The following BCL2L11 variants were observed in gnomAD, a reference collection of about 807,000 sequenced individuals.
BCL2L11 encodes BCL2 like 11.
In BCL2L11, 15 loss-of-function variants were observed where a neutral mutation model predicts 20.6. That is an observed-to-expected ratio of 0.73 (90% CI 0.49 to 1.12). BCL2L11 has a LOEUF of 1.12. Among genes scored for constraint, BCL2L11 ranks in the 50% most tolerant of loss-of-function variants. BCL2L11 has a pLI of 0.00. For missense variants in BCL2L11, 292 were observed against 260.9 expected (o/e 1.12, Z -0.82); for synonymous variants, 108 against 92.8 (o/e 1.16, Z -0.94).
rs1293089150 is a variant in BCL2L11 at position 111,164,391 on chromosome 2, C to A, written c.*160C>A. On this transcript the variant is annotated 3_prime_UTR_variant, in exon 4 of 4. Coordinates refer to ENST00000393256, the MANE Select transcript of BCL2L11 (RefSeq NM_138621.5). The stretch of plus-strand genomic sequence containing the variant: ...GAAGACACCGAGCTGGATGGGACTA[C>A]CTTTCTGTTCATCACCACACAGCAG... 11 of 587,896 alleles carry A rather than the reference C, an allele frequency of 1.9e-5. No individual in the cohort carries two copies. Among genetic ancestry groups the A allele is most frequent in the Non-Finnish European group, 9.3e-6 (3 of 323,008 alleles). 36.4% of individuals were successfully genotyped at this position (587,896 alleles called of 1,614,324 possible). A position where few individuals can be genotyped will look rare whatever the true frequency, so the allele number is the denominator to read the frequency against.
rs6734224 is a variant in BCL2L11, at chr2:111,125,885, G to C, written c.394+1746G>C. ...AAGTTCTTGGCTTGTAGTTTTTGTT[G>C]TACTCATGAAAATGCTCCCCCATAT... On this transcript the variant is annotated intron_variant, in intron 2 of 3. Coordinates refer to ENST00000393256, the MANE Select transcript of BCL2L11 (RefSeq NM_138621.5). Among the ~76,000 whole-genome samples the C allele has an allele frequency of 8.9e-3, 1,356 of 152,178 alleles. 16 individuals are homozygous for C. The highest frequency in any genetic ancestry group is 0.03 in the African/African-American group (1,239 of 41,528).
chr2:111,136,189 A>C (rs1167193226), intron 2 of BCL2L11, among the ~76,000 whole-genome samples: 1 of 152,172 alleles, frequency 6.6e-6, no homozygotes, highest in Non-Finnish European at 1.5e-5. Flanking sequence ...GATGGAGAAC[A>C]GGCCTCCCAT....
chr2:111,121,102 C>T lies in BCL2L11; in HGVS notation c.-100C>T. On this transcript the variant is annotated 5_prime_UTR_variant, in exon 1 of 4. Transcript: ENST00000393256. ...CATCATCGCGGTATTCGGTTCGCTGCGTTCCCGCCGCCACCGCCTCGGCGC... is the reference window on the plus strand; with the variant it reads ...CATCATCGCGGTATTCGGTTCGCTGTGTTCCCGCCGCCACCGCCTCGGCGC... 3.3e-6 allele frequency: 1 copy of T among 301,400 alleles called. No homozygotes were observed. Among genetic ancestry groups the T allele is most frequent in the Non-Finnish European group, 6.1e-6 (1 of 163,676 alleles). The allele number at this position is 301,400 out of a possible 1,614,324, so 18.7% of individuals were successfully genotyped here. A position where few individuals can be genotyped will look rare whatever the true frequency, so the allele number is the denominator to read the frequency against.
intron 2 of BCL2L11, among the ~76,000 whole-genome samples, chr2:111,132,407 A>G (rs1258828841): frequency 6.6e-6 from 1 of 152,256 alleles, no homozygotes; most frequent in Non-Finnish European, 1.5e-5. Flanking sequence ...GGCAAATAAT[A>G]AAAACTCAAA....
intron 2 of BCL2L11, 106 bp downstream of exon 2, chr2:111,124,245 A>T (rs1220827827): frequency 1.5e-6 from 2 of 1,298,164 alleles, no homozygotes; most frequent in Non-Finnish European, 1.0e-6. Flanking sequence ...TAACTGATTT[A>T]TTCCATCTTT....
At chr2:111,147,346 TCACACACACACACACACACACACACA>T (rs70962921) in intron 2 of BCL2L11, among the ~76,000 whole-genome samples, 2 of 137,414 alleles carry the variant, frequency 1.5e-5, no homozygotes, top group South Asian at 4.8e-4. Context: ...TCTCTCTCTC[TCACACACACACACACACACACACACA>T]CACACACACA....
chr2:111,142,322 C>T lies in BCL2L11; in HGVS notation c.395-7722C>T, dbSNP rs1158228226. 3.2e-6 allele frequency: 5 copies of T among 1,550,490 alleles called. No homozygotes were observed. In the Admixed American group the frequency reaches 9.8e-5, roughly 30 times the overall value. On this transcript the variant is annotated intron_variant, in intron 2 of 3. Coordinates refer to ENST00000393256, the MANE Select transcript of BCL2L11 (RefSeq NM_138621.5). ...TTTTTATGGCTTGCAGATGACTCCG[C>T]TGGATCCTCCCTCAGAATTGCCCTT... is the stretch of plus-strand genomic sequence containing the variant.
rs548910377 is a variant in BCL2L11 at position 111,142,296 on chromosome 2, A to AT, written c.395-7743dup. On this transcript the variant is annotated intron_variant, in intron 2 of 3. Transcript: ENST00000393256. ...ACATGGCACAATTTATTTATACAAC[A>AT]TTTTTATGGCTTGCAGATGACTCCG... The AT allele has an allele frequency of 4.1e-4, 639 of 1,548,828 alleles. 9 individuals are homozygous for AT. In the South Asian group the frequency reaches 6.5e-3, roughly 16 times the overall value.
chr2:111,147,054 T>C (rs146325579), intron 2 of BCL2L11, among the ~76,000 whole-genome samples: 1 of 152,310 alleles, frequency 6.6e-6, no homozygotes, highest in African/African-American at 2.4e-5. Flanking sequence ...CAAAATGTAA[T>C]TTATAGTATC....
At chr2:111,136,870 T>A (rs528993139) in intron 2 of BCL2L11, among the ~76,000 whole-genome samples, 2 of 152,322 alleles carry the variant, frequency 1.3e-5, no homozygotes, top group Non-Finnish European at 1.5e-5. Flanking sequence ...AGAAGTTACT[T>A]CTTCACTCCT....
chr2:111,163,583 A>G, intron 3 of BCL2L11: 1 of 152,224 alleles, frequency 6.6e-6, no homozygotes, highest in South Asian at 2.1e-4. Flanking sequence ...AGGTGGGAGG[A>G]TGGGGGTTGA....
At chr2:111,161,517 G>C in intron 3 of BCL2L11, 1 of 1,549,394 alleles carries the variant, frequency 6.5e-7, no homozygotes, top group Non-Finnish European at 8.7e-7. Context: ...TCAGGAAGAC[G>C]GTCAAGGCAT....
rs781778663 is a variant in BCL2L11 at position 111,124,012 on chromosome 2, G to C, written c.267G>C (p.Leu89=). 13 of 1,614,214 alleles carry C rather than the reference G, an allele frequency of 8.1e-6. No homozygotes were observed. The highest frequency in any genetic ancestry group is 1.0e-5 in the Non-Finnish European group (12 of 1,180,038). Residue 89 remains leucine (L), a synonymous_variant, in exon 2 of 4, where the codon CTG becomes CTC. Coordinates refer to ENST00000393256, the MANE Select transcript of BCL2L11 (RefSeq NM_138621.5). ...TCTTTATGAGAAGATCCTCCCTGCT[G>C]TCTCGATCCTCCAGTGGGTATTTCT... ...LFIFMRRSSL[L]SRSSSGYFSF...
intron 3 of BCL2L11, among the ~76,000 whole-genome samples, chr2:111,160,409 C>G (rs1352747651): frequency 6.6e-6 from 1 of 152,208 alleles, no homozygotes; most frequent in Non-Finnish European, 1.5e-5. Context: ...AAGTCAGGCC[C>G]CCCACCTGAT....
At chr2:111,137,378 C>G (rs2075080126) in intron 2 of BCL2L11, among the ~76,000 whole-genome samples, 1 of 152,180 alleles carries the variant, frequency 6.6e-6, no homozygotes, top group Non-Finnish European at 1.5e-5. Context: ...TTTGTTAGAC[C>G]AGCCTCAGTC....
intron 2 of BCL2L11, among the ~76,000 whole-genome samples, chr2:111,135,378 T>G: frequency 6.6e-6 from 1 of 152,200 alleles, no homozygotes; most frequent in East Asian, 1.9e-4. Flanking sequence ...CAGTGCACAC[T>G]GCTTTATTGT....
At chr2:111,141,544 T>C (rs1317797736) in intron 2 of BCL2L11, among the ~76,000 whole-genome samples, 2 of 145,300 alleles carry the variant, frequency 1.4e-5, no homozygotes, top group Non-Finnish European at 3.0e-5. Flanking sequence ...GGGAGAGCAT[T>C]GGGAGATATA....
At chr2:111,139,446 T>C (rs887297210) in intron 2 of BCL2L11, among the ~76,000 whole-genome samples, 1 of 152,242 alleles carries the variant, frequency 6.6e-6, no homozygotes, top group Non-Finnish European at 1.5e-5. Flanking sequence ...AAATAAGGGA[T>C]ACATTGGTTG....
intron 2 of BCL2L11, chr2:111,145,832 A>T (rs367948654): frequency 1.8e-4 from 53 of 287,982 alleles, no homozygotes; most frequent in African/African-American, 1.2e-3. Context: ...ATGATTTCTA[A>T]GAAGTTTGAA....
Sources: allele counts gnomAD v4.1 joint callset (sites outside exome capture counted in the v4.1 genomes callset), GRCh38; gene constraint gnomAD v4.1.1; transcripts MANE v1.5; gene names NCBI Gene and HGNC (gene_info 2026-07-23, HGNC 2026-07-21).